The following KIF13A variants were observed in gnomAD, a reference collection of about 807,000 sequenced individuals.
KIF13A encodes the protein kinesin family member 13A.
A neutral mutation model predicts 212.2 loss-of-function variants in KIF13A; 79 were observed. The observed-to-expected ratio is 0.37, with a 90% CI of 0.31 to 0.45. KIF13A has a LOEUF of 0.45. Ranked by LOEUF, KIF13A falls within the 20% of genes least tolerant of loss-of-function variation. The pLI is 1.00. For missense variants in KIF13A, 1,901 were observed against 2,209.0 expected (o/e 0.86, Z 2.79); for synonymous variants, 789 against 808.6 (o/e 0.98, Z 0.41).
intron 2 of KIF13A, among the ~76,000 whole-genome samples, chr6:17,908,225 C>T (rs555067701): frequency 1.3e-5 from 2 of 152,274 alleles, no homozygotes; most frequent in South Asian, 4.1e-4. Flanking sequence ...AGTCACAGAC[C>T]TTGAAGCAGA....
chr6:17,908,904 G>C (rs1379417800), intron 2 of KIF13A, among the ~76,000 whole-genome samples: 4 of 152,128 alleles, frequency 2.6e-5, no homozygotes. Context: ...AGGATTGGGG[G>C]TCAAACAATC....
At chr6:17,824,498 G>C (rs1047582021) in intron 16 of KIF13A, among the ~76,000 whole-genome samples, 1 of 152,036 alleles carries the variant, frequency 6.6e-6, no homozygotes, top group African/African-American at 2.4e-5. Flanking sequence ...GGTGGCTCAT[G>C]CCTGTAATCC....
At chr6:17,857,239 T>C (rs1261515411) in intron 4 of KIF13A, among the ~76,000 whole-genome samples, 4 of 152,178 alleles carry the variant, frequency 2.6e-5, no homozygotes, top group Non-Finnish European at 5.9e-5. Context: ...CAAAACGAGA[T>C]AGTATTTGTG....
rs1321635929 is a variant in KIF13A, at chr6:17,809,307, AC to A, written c.2001-378del. ...AGGGAGGGGTTGGCAGATGAGAGAAACCTGGAGTTAGGAGAAGAAATTATTT... is the reference window on the plus strand; with the variant it reads ...AGGGAGGGGTTGGCAGATGAGAGAAACTGGAGTTAGGAGAAGAAATTATTT... On this transcript the variant is annotated intron_variant, in intron 17 of 38. Transcript: ENST00000259711. The surrounding 1 kb of genome is among the most constrained non-coding windows in gnomAD (Gnocchi z 4.7). Among the ~76,000 whole-genome samples the A allele has an allele frequency of 6.6e-6, 1 of 152,148 alleles. No homozygotes were observed. Among genetic ancestry groups the A allele is most frequent in the African/African-American group, 2.4e-5 (1 of 41,422 alleles).
intron 4 of KIF13A, among the ~76,000 whole-genome samples, chr6:17,864,436 ACAAG>A (rs1364722774): frequency 1.3e-5 from 2 of 152,190 alleles, no homozygotes; most frequent in Non-Finnish European, 2.9e-5. Context: ...TGGAATTTCT[ACAAG>A]CAAAGTCACA....
chr6:17,880,768 A>T (rs1462589486), intron 3 of KIF13A, among the ~76,000 whole-genome samples: 3 of 151,976 alleles, frequency 2.0e-5, no homozygotes, highest in Admixed American at 2.0e-4. Context: ...CTACAGGCAC[A>T]TGCCACCATA....
At chr6:17,824,372 T>C (rs1199593696) in intron 16 of KIF13A, among the ~76,000 whole-genome samples, 1 of 152,186 alleles carries the variant, frequency 6.6e-6, no homozygotes. Context: ...TGGCAGCACA[T>C]ATGCCACAAT....
chr6:17,978,720 T>C (rs1242152604), intron 2 of KIF13A, among the ~76,000 whole-genome samples: 2 of 152,240 alleles, frequency 1.3e-5, no homozygotes, highest in Non-Finnish European at 2.9e-5. Context: ...GCAGAATGTT[T>C]ACTATTTGAG....
In KIF13A at chr6:17,808,854, T is replaced by C. The variant is rs1275839559; in HGVS notation, c.2077A>G (p.Asn693Asp). The C allele has an allele frequency of 2.5e-6, 4 of 1,613,712 alleles. No homozygotes were observed. Among genetic ancestry groups the C allele is most frequent in the Non-Finnish European group, 2.5e-6 (3 of 1,179,862 alleles). ...TTGCTCATTTCCTCAGCCAGGAAGT[T>C]TGCTTCCCTCACCAAGGTATTAGCT... ...VKANTLVREA[N>D]FLAEEMSKLT... Residue 693 changes from asparagine to aspartate, a missense_variant, in exon 18 of 39, where the codon AAC (asparagine) becomes GAC (aspartate). Coordinates refer to ENST00000259711, the MANE Select transcript of KIF13A (RefSeq NM_022113.6).
At chr6:17,950,960 T>C in intron 2 of KIF13A, 1 of 971,302 alleles carries the variant, frequency 1.0e-6, no homozygotes, top group Non-Finnish European at 1.2e-6. Context: ...TTTCTTAATT[T>C]TAAATTTCTT....
At chr6:17,890,188 C>A (rs1374349782) in intron 3 of KIF13A, among the ~76,000 whole-genome samples, 851 of 123,172 alleles carry the variant, frequency 6.9e-3, no homozygotes, top group Middle Eastern at 0.013. Context: ...AACTTCGTCT[C>A]AAAAAAAAAA....
chr6:17,965,568 G>A (rs1219223283), intron 2 of KIF13A, among the ~76,000 whole-genome samples: 1 of 152,170 alleles, frequency 6.6e-6, no homozygotes, highest in Non-Finnish European at 1.5e-5. Context: ...GCAGCAGGAA[G>A]GAAAATAAAT....
At position 17,806,779 on chromosome 6, in the gene KIF13A, T is replaced by C. The variant is rs565377137; in HGVS notation, c.2164-1164A>G. ...CTGTAATCCCAGCCACTTGGGAGGC[T>C]GAGGCAAGAGAATCACTTGAACCCG... On this transcript the variant is annotated intron_variant, in intron 18 of 38. Transcript: ENST00000259711. Among the ~76,000 whole-genome samples the C allele has an allele frequency of 2.6e-5, 4 of 152,298 alleles. No individual in the cohort carries two copies. In the East Asian group the frequency reaches 7.7e-4, roughly 29 times the overall value.
chr6:17,949,775 T>C (rs1193172157), intron 2 of KIF13A, among the ~76,000 whole-genome samples: 2 of 152,100 alleles, frequency 1.3e-5, no homozygotes, highest in Non-Finnish European at 2.9e-5. Flanking sequence ...ATACTGCATA[T>C]ACAGTAATAA....
rs748649406 is a variant in KIF13A at position 17,779,691 on chromosome 6, GA to G, written c.3847-8del. The G allele has an allele frequency of 0.094, 64,668 of 689,396 alleles. 6 individuals are homozygous for G. Among genetic ancestry groups the G allele is most frequent in the East Asian group, 0.14 (3,332 of 23,122 alleles). 42.7% of individuals were successfully genotyped at this position (689,396 alleles called of 1,614,324 possible). A position where few individuals can be genotyped will look rare whatever the true frequency, so the allele number is the denominator to read the frequency against. On this transcript the variant is annotated splice_region_variant and splice_polypyrimidine_tract_variant and intron_variant, in intron 31 of 38. Transcript: ENST00000259711. ...TCAAACTCTGCGTGAAACTCTAGTA[GA>G]AAAAAAAAAAAGCTGTATTAAGCTA... is the stretch of plus-strand genomic sequence containing the variant.
chr6:17,801,038 G>A (rs551678494), intron 20 of KIF13A, among the ~76,000 whole-genome samples: 4 of 151,884 alleles, frequency 2.6e-5, no homozygotes, highest in Non-Finnish European at 5.9e-5. Context: ...GGCTATCCAT[G>A]TTTTTTAAAA....
rs770805165 is a variant in KIF13A at position 17,914,508 on chromosome 6, C to T, written c.147-16328G>A. Among the ~76,000 whole-genome samples, 16 of 152,172 alleles carry T rather than the reference C, an allele frequency of 1.1e-4. No individual in the cohort carries two copies. Among genetic ancestry groups the T allele is most frequent in the Non-Finnish European group, 1.6e-4 (11 of 68,040 alleles). ...GCATTTGCAAAATTAAAATCATACA[C>T]ATGCAAATGGGAAGTTTTATAAGAT... is the stretch of plus-strand genomic sequence containing the variant. On this transcript the variant is annotated intron_variant, in intron 2 of 38. Coordinates refer to ENST00000259711, the MANE Select transcript of KIF13A (RefSeq NM_022113.6). This position sits in a 1 kb window ranked among gnomAD's most constrained non-coding sequence, Gnocchi z 5.9.
rs1275513531 is a variant in KIF13A at position 17,886,438 on chromosome 6, C to T, written c.159+11730G>A. ...GACTGATGAAGAGTTCACACTGCTG[C>T]GGCTGACTCGGGCCAAGTGGGAGCC... On this transcript the variant is annotated intron_variant, in intron 3 of 38. Coordinates refer to ENST00000259711, the MANE Select transcript of KIF13A (RefSeq NM_022113.6). The surrounding 1 kb of genome is among the most constrained non-coding windows in gnomAD (Gnocchi z 5.6). Among the ~76,000 whole-genome samples, 3 of 152,176 alleles carry T rather than the reference C, an allele frequency of 2.0e-5. No homozygotes were observed. The highest frequency in any genetic ancestry group is 2.1e-4 in the South Asian group (1 of 4,836).
intron 6 of KIF13A, among the ~76,000 whole-genome samples, chr6:17,853,998 C>A (rs1767910569): frequency 6.6e-6 from 1 of 152,112 alleles, no homozygotes; most frequent in African/African-American, 2.4e-5. Flanking sequence ...TTTTATTACT[C>A]TTTATGCCTT....
Sources: gnomAD v4.1 joint callset for allele counts (sites outside exome capture counted in the v4.1 genomes callset) on GRCh38, gnomAD v4.1.1 for gene constraint, Gnocchi (gnomAD v3.1) non-coding constraint, MANE v1.5 for transcripts, NCBI Gene and HGNC (gene_info 2026-07-23, HGNC 2026-07-21) for gene names.